The following SMIM8 variants were observed in gnomAD, a reference collection of about 807,000 sequenced individuals.
The protein encoded by SMIM8 is UPF0708 protein C6orf162.
Under a neutral mutation model 8.1 loss-of-function variants are expected in SMIM8, and 8 were observed. That is an observed-to-expected ratio of 0.99 (90% confidence interval 0.58 to 1.78). The LOEUF is 1.78. SMIM8 is among the 40% of genes most tolerant of loss of function. The pLI, the probability that SMIM8 is intolerant of heterozygous loss-of-function variation, is 0.00. For synonymous variants in SMIM8, 45 were observed against 39.7 expected, an observed-to-expected ratio of 1.13 and a Z score of -0.50; for missense variants, 126 against 119.8, an observed-to-expected ratio of 1.05 and a Z score of -0.24.
chr6:87,340,389 A>T lies in SMIM8; in HGVS notation c.*115A>T. The stretch of plus-strand genomic sequence containing the variant: ...TTCTAGAACATGCTAATGAAGAGAG[A>T]AGATAGCAGTTGCAACCAGACAACT... On this transcript the variant is annotated 3_prime_UTR_variant, in exon 4 of 4. Transcript: ENST00000392863. 9.2e-7 allele frequency: 1 copy of T among 1,082,740 alleles called. No individual in the cohort carries two copies. Among genetic ancestry groups the T allele is most frequent in the East Asian group, 3.2e-5 (1 of 31,578 alleles). The allele number at this position is 1,082,740 out of a possible 1,614,324, so 67.1% of individuals were successfully genotyped here.
intron 2 of SMIM8, among the ~76,000 whole-genome samples, chr6:87,332,463 GTAA>G (rs557032899): frequency 2.7e-5 from 4 of 148,504 alleles, no homozygotes; most frequent in Admixed American, 1.3e-4. Flanking sequence ...CAGGAGTGGA[GTAA>G]TAATAATATA....
chr6:87,334,298 CTT>C (rs1777056192), intron 2 of SMIM8, among the ~76,000 whole-genome samples: 2 of 152,202 alleles, frequency 1.3e-5, no homozygotes, highest in African/African-American at 4.8e-5. Flanking sequence ...CCCGAACAAA[CTT>C]TGGGCATATT....
At chr6:87,336,978 G>T (rs1777126080) in intron 2 of SMIM8, 31 bp from the exon 3 acceptor site, 3 of 1,501,154 alleles carry the variant, frequency 2.0e-6, no homozygotes, top group South Asian at 2.7e-5. Flanking sequence ...GCACAATTAT[G>T]AAGGGAAAAA....
Position 87,339,436 on chromosome 6 carries a change from T to A in SMIM8, c.136-680T>A, listed in dbSNP as rs9362421. Among the ~76,000 whole-genome samples the A allele has an allele frequency of 2.3e-4, 26 of 113,184 alleles. 1 individual carries two copies. The highest frequency in any genetic ancestry group is 1.6e-3 in the Admixed American group (17 of 10,712). The allele number at this position is 113,184 out of a possible 152,430, so 74.3% of individuals were successfully genotyped here. On this transcript the variant is annotated intron_variant, in intron 3 of 3. Transcript: ENST00000392863. ...AGCGTGTGTGTGTGTGTGTGTGTGTTTGTGTGTGTGTGTGTGTGTGTGTGT... is the reference window on the plus strand; with the variant it reads ...AGCGTGTGTGTGTGTGTGTGTGTGTATGTGTGTGTGTGTGTGTGTGTGTGT...
In SMIM8 at chr6:87,340,293, A is replaced by G; in HGVS notation, c.*19A>G. The G allele has an allele frequency of 1.3e-6, 2 of 1,546,302 alleles. No individual in the cohort carries two copies. Among genetic ancestry groups the G allele is most frequent in the African/African-American group, 1.4e-5 (1 of 71,492 alleles). On this transcript the variant is annotated 3_prime_UTR_variant, in exon 4 of 4. Coordinates refer to ENST00000392863, the MANE Select transcript of SMIM8 (RefSeq NM_001042493.3). ...GGATTAGTAGTGCTGGTTAGTGCAGATGGACCTTTATTAAAGGTTCTGAAA... is the reference window on the plus strand; with the variant it reads ...GGATTAGTAGTGCTGGTTAGTGCAGGTGGACCTTTATTAAAGGTTCTGAAA...
chr6:87,333,763 A>G (rs920827102), intron 2 of SMIM8, among the ~76,000 whole-genome samples: 54 of 152,346 alleles, frequency 3.5e-4, no homozygotes, highest in African/African-American at 1.1e-3. Flanking sequence ...CTGTTTTTGC[A>G]TGATATCAGG....
At chr6:87,331,450 C>T (rs1582092871) in intron 2 of SMIM8, among the ~76,000 whole-genome samples, 1 of 152,144 alleles carries the variant, frequency 6.6e-6, no homozygotes, top group African/African-American at 2.4e-5. Flanking sequence ...ACAATTTATA[C>T]ATGTGTGAAG....
At chr6:87,322,933 C>T (rs1490847871) in intron 1 of SMIM8, 1 of 152,276 alleles carries the variant, frequency 6.6e-6, no homozygotes, top group African/African-American at 2.4e-5. Flanking sequence ...CTCTCGTTTC[C>T]TGCAGTTTCT....
chr6:87,324,361 T>C (rs1344082512), intron 1 of SMIM8, among the ~76,000 whole-genome samples: 1 of 152,166 alleles, frequency 6.6e-6, no homozygotes, highest in East Asian at 1.9e-4. Flanking sequence ...ATGTCCTGAA[T>C]GGTAATGCTT....
chr6:87,326,360 G>C (rs1417204959), intron 1 of SMIM8, among the ~76,000 whole-genome samples: 1 of 152,088 alleles, frequency 6.6e-6, no homozygotes, highest in East Asian at 1.9e-4. Context: ...TGTGATGTTA[G>C]GGTGTCAATT....
intron 2 of SMIM8, among the ~76,000 whole-genome samples, chr6:87,332,343 A>ATATATATATATATATATATAT (rs1491301788): frequency 1.4e-5 from 2 of 145,758 alleles, no homozygotes; most frequent in African/African-American, 5.1e-5. Flanking sequence ...ATATATATAT[A>ATATATATATATATATATATAT]AATGACAGCA....
At position 87,340,363 on chromosome 6, in the gene SMIM8, G is replaced by T; in HGVS notation, c.*89G>T. On this transcript the variant is annotated 3_prime_UTR_variant, in exon 4 of 4. Coordinates refer to ENST00000392863, the MANE Select transcript of SMIM8 (RefSeq NM_001042493.3). Reference sequence around the variant, plus strand: ...GTGAGTGTACAGTATCATGTTTCTTGTTCTAGAACATGCTAATGAAGAGAG... The same window carrying T: ...GTGAGTGTACAGTATCATGTTTCTTTTTCTAGAACATGCTAATGAAGAGAG... The T allele has an allele frequency of 7.9e-7, 1 of 1,258,862 alleles. No individual in the cohort carries two copies. The highest frequency in any genetic ancestry group is 1.0e-6 in the Non-Finnish European group (1 of 971,774). The allele number at this position is 1,258,862 out of a possible 1,614,324, so 78.0% of individuals were successfully genotyped here. A position where few individuals can be genotyped will look rare whatever the true frequency, so the allele number is the denominator to read the frequency against.
In SMIM8 at chr6:87,340,977, G is replaced by T; in HGVS notation, c.*703G>T. On this transcript the variant is annotated 3_prime_UTR_variant, in exon 4 of 4. Transcript: ENST00000392863. ...AAAGTATGTTTTACTGAGGTATGAT[G>T]ATTTTGACTACAACTAAATGTTATC... 4.1e-6 allele frequency: 1 copy of T among 244,676 alleles called. No individual in the cohort carries two copies. The highest frequency in any genetic ancestry group is 7.7e-6 in the Non-Finnish European group (1 of 130,412). 15.2% of individuals were successfully genotyped at this position (244,676 alleles called of 1,614,324 possible). A position where few individuals can be genotyped will look rare whatever the true frequency, so the allele number is the denominator to read the frequency against.
chr6:87,329,524 C>G (rs1200427464), intron 1 of SMIM8, among the ~76,000 whole-genome samples: 1 of 150,860 alleles, frequency 6.6e-6, no homozygotes, highest in Non-Finnish European at 1.5e-5. Context: ...ATCCTGACCT[C>G]AAGCAATCTA....
Position 87,340,165 on chromosome 6 carries a change from C to T in SMIM8, c.185C>T (p.Ala62Val), listed in dbSNP as rs147981421. 3.2e-4 allele frequency: 512 copies of T among 1,605,476 alleles called. No homozygotes were observed. Among genetic ancestry groups the T allele is most frequent in the Non-Finnish European group, 4.1e-4 (478 of 1,176,922 alleles). ...FGLVTLSLCVAYIGYLHAIQE... is the reference protein window; with the variant it reads ...FGLVTLSLCVVYIGYLHAIQE... ...TTGGTAACTCTTTCACTTTGCGTGGCATATATTGGTTATCTACATGCAATA... is the reference window on the plus strand; with the variant it reads ...TTGGTAACTCTTTCACTTTGCGTGGTATATATTGGTTATCTACATGCAATA... The change falls in exon 4 of 4, where the codon GCA becomes GTA. Residue 62 changes from alanine (A) to valine (V), a missense_variant. By Grantham distance (64) the Ala-to-Val change is moderately conservative (BLOSUM62 0). Coordinates refer to ENST00000392863, the MANE Select transcript of SMIM8 (RefSeq NM_001042493.3).
chr6:87,338,216 G>T (rs1582097443), intron 3 of SMIM8, among the ~76,000 whole-genome samples: 1 of 152,160 alleles, frequency 6.6e-6, no homozygotes, highest in East Asian at 1.9e-4. Flanking sequence ...GTTCATCTAA[G>T]TGAAAAAGTT....
intron 1 of SMIM8, 35 bp from the exon 2 acceptor site, chr6:87,330,657 C>T (rs928194876): frequency 1.2e-4 from 18 of 152,102 alleles, no homozygotes; most frequent in African/African-American, 4.3e-4. Context: ...TTTATCTTTG[C>T]TTCTTCCTTT....
chr6:87,339,325 C>CGTGTGTGT lies in SMIM8; in HGVS notation c.136-751_136-744dup, dbSNP rs59321615. Among the ~76,000 whole-genome samples, 59 of 124,180 alleles carry CGTGTGTGT rather than the reference C, an allele frequency of 4.8e-4. 2 individuals are homozygous for CGTGTGTGT. The highest frequency in any genetic ancestry group is 9.0e-4 in the South Asian group (3 of 3,328). 81.5% of individuals were successfully genotyped at this position (124,180 alleles called of 152,430 possible). A position where few individuals can be genotyped will look rare whatever the true frequency, so the allele number is the denominator to read the frequency against. On this transcript the variant is annotated intron_variant, in intron 3 of 3. Coordinates refer to ENST00000392863, the MANE Select transcript of SMIM8 (RefSeq NM_001042493.3). ...TCTTAACAACAACAACAAAACACAG[C>CGTGTGTGT]GTGTGTGTGTGTGTGTGTGTGTGTG... is the stretch of plus-strand genomic sequence containing the variant.
chr6:87,327,209 G>T (rs1185316573), intron 1 of SMIM8, among the ~76,000 whole-genome samples: 1 of 148,036 alleles, frequency 6.8e-6, no homozygotes, highest in Non-Finnish European at 1.5e-5. Flanking sequence ...GATGGGTCTT[G>T]ACTCTTTATC....
Sources: gnomAD v4.1 joint callset for allele counts (sites outside exome capture counted in the v4.1 genomes callset) on GRCh38, gnomAD v4.1.1 for gene constraint, MANE v1.5 for transcripts, NCBI Gene and HGNC (gene_info 2026-07-23, HGNC 2026-07-21) for gene names.